ADIPOR2: variants seen among roughly 807,000 people sequenced by gnomAD.
The protein encoded by ADIPOR2 is adiponectin receptor protein 2.
A neutral mutation model predicts 40.9 loss-of-function variants in ADIPOR2; 18 were observed. The ratio of observed to expected loss-of-function variants is 0.44; its 90% confidence interval spans 0.30 to 0.65. The LOEUF is 0.65. Among genes scored for constraint, ADIPOR2 ranks in the 30% least tolerant of loss-of-function variants. The pLI is 0.09. For missense variants in ADIPOR2, 283 were observed against 479.2 expected, an observed-to-expected ratio of 0.59 and a Z score of 3.82; for synonymous variants, 165 against 166.4, an observed-to-expected ratio of 0.99 and a Z score of 0.06.
intron 1 of ADIPOR2, among the ~76,000 whole-genome samples, chr12:1,729,060 TC>T (rs2094714252): frequency 6.6e-6 from 1 of 151,454 alleles, no homozygotes; most frequent in Non-Finnish European, 1.5e-5. Context: ...AAATCTTTTT[TC>T]CCCCTCTACC....
At chr12:1,735,908 C>T (rs1420506397) in intron 1 of ADIPOR2, among the ~76,000 whole-genome samples, 4 of 152,050 alleles carry the variant, frequency 2.6e-5, no homozygotes, top group Non-Finnish European at 5.9e-5. Flanking sequence ...TATTGATTTG[C>T]GTATGTTGAA....
In ADIPOR2 at chr12:1,786,153, G is replaced by T; in HGVS notation, c.*81G>T. The T allele has an allele frequency of 6.5e-7, 1 of 1,534,740 alleles. No homozygotes were observed. The highest frequency in any genetic ancestry group is 8.8e-7 in the Non-Finnish European group (1 of 1,141,660). On this transcript the variant is annotated 3_prime_UTR_variant, in exon 8 of 8. Transcript: ENST00000357103. The stretch of plus-strand genomic sequence containing the variant: ...GCCTCCCTGCTGGCTACTGATGCCA[G>T]TACCAGAGGAGCCCCAAAACTTTGA...
In ADIPOR2 at chr12:1,781,472, T is replaced by G. The variant is rs549739693; in HGVS notation, c.838+396T>G. Among the ~76,000 whole-genome samples the G allele has an allele frequency of 4.6e-5, 7 of 152,332 alleles. No individual in the cohort carries two copies. The South Asian group carries it at 1.5e-3, about 32-fold the overall frequency. ...TTTTGTTGTCATTTTCTGTTTTGTTTTATATTTTTATTTTATAATGGATAA... is the reference window on the plus strand; with the variant it reads ...TTTTGTTGTCATTTTCTGTTTTGTTGTATATTTTTATTTTATAATGGATAA... On this transcript the variant is annotated intron_variant, in intron 6 of 7. Transcript: ENST00000357103.
rs572041125 is a variant in ADIPOR2 at position 1,781,030 on chromosome 12, C to T, written c.792C>T (p.Ser264=). The T allele has an allele frequency of 2.1e-5, 34 of 1,612,934 alleles. No homozygotes were observed. In the South Asian group the frequency reaches 3.3e-4, roughly 16 times the overall value. ...CVLGIAAIIV[S]QWDMFATPQY... is the part of the protein sequence containing the mutation. ...TGGGCATTGCAGCCATTATAGTCTC[C>T]CAGTGGGACATGTTTGCCACCCCTC... Residue 264 remains serine (S), a synonymous_variant, in exon 6 of 8, where the codon TCC becomes TCT. Transcript: ENST00000357103.
At chr12:1,712,495 A>G (rs1468190597) in intron 1 of ADIPOR2, among the ~76,000 whole-genome samples, 2 of 152,074 alleles carry the variant, frequency 1.3e-5, no homozygotes, top group Non-Finnish European at 2.9e-5. Context: ...GCCTTTTGCC[A>G]CTGGTTGTAG....
At chr12:1,709,465 C>T in intron 1 of ADIPOR2, among the ~76,000 whole-genome samples, 1 of 152,050 alleles carries the variant, frequency 6.6e-6, no homozygotes, top group East Asian at 1.9e-4. Flanking sequence ...AATAAGTAGT[C>T]AGATGGAATT....
At position 1,754,468 on chromosome 12, in the gene ADIPOR2, T is replaced by C. The variant is rs939722569; in HGVS notation, c.125T>C (p.Leu42Ser). The change falls in exon 2 of 8, where the codon TTG becomes TCG. Residue 42 changes from leucine (L) to serine (S), a missense_variant. By Grantham distance (145) the Leu-to-Ser change is moderately radical (BLOSUM62 -2). Coordinates refer to ENST00000357103, the MANE Select transcript of ADIPOR2 (RefSeq NM_024551.3). ...GATAATGACAGCCACCAAGGAGATTTGGAGCCCATTTTAGAGGCATCTGTT... is the reference window on the plus strand; with the variant it reads ...GATAATGACAGCCACCAAGGAGATTCGGAGCCCATTTTAGAGGCATCTGTT... Reference protein sequence around the residue: ...RGDNDSHQGDLEPILEASVLS... With the variant: ...RGDNDSHQGDSEPILEASVLS... 3 of 1,613,162 alleles carry C rather than the reference T, an allele frequency of 1.9e-6. No individual in the cohort carries two copies. The African/African-American group carries it at 4.0e-5, about 22-fold the overall frequency.
At chr12:1,755,575 A>G (rs1379197672) in intron 2 of ADIPOR2, among the ~76,000 whole-genome samples, 1 of 152,230 alleles carries the variant, frequency 6.6e-6, no homozygotes, top group Non-Finnish European at 1.5e-5. Flanking sequence ...GAGTCAGTAG[A>G]GTTCTGAAAG....
intron 1 of ADIPOR2, among the ~76,000 whole-genome samples, chr12:1,718,552 C>T (rs776884200): frequency 1.3e-5 from 2 of 152,082 alleles, no homozygotes; most frequent in African/African-American, 4.8e-5. Context: ...ATAGTTTACA[C>T]TCAGTGAAAT....
At position 1,715,889 on chromosome 12, in the gene ADIPOR2, A is replaced by G. The variant is rs545780575; in HGVS notation, c.-87+24698A>G. Among the ~76,000 whole-genome samples, 3 of 152,276 alleles carry G rather than the reference A, an allele frequency of 2.0e-5. No homozygotes were observed. In the South Asian group the frequency reaches 6.2e-4, roughly 32 times the overall value. ...AATGGACCAATCAGTGCCCTGTAAA[A>G]TGGACCAATCAGCAGGACATGGAGG... is the stretch of plus-strand genomic sequence containing the variant. On this transcript the variant is annotated intron_variant, in intron 1 of 7. Coordinates refer to ENST00000357103, the MANE Select transcript of ADIPOR2 (RefSeq NM_024551.3).
At chr12:1,767,446 A>T (rs1049891781) in intron 2 of ADIPOR2, among the ~76,000 whole-genome samples, 1 of 152,148 alleles carries the variant, frequency 6.6e-6, no homozygotes, top group African/African-American at 2.4e-5. Context: ...CTTTTGGAGA[A>T]TACTGGGTAT....
intron 1 of ADIPOR2, among the ~76,000 whole-genome samples, chr12:1,751,205 TCTA>T (rs1306377759): frequency 6.6e-6 from 1 of 152,188 alleles, no homozygotes; most frequent in African/African-American, 2.4e-5. Flanking sequence ...CTTCAACAGT[TCTA>T]CTGTTGAAAG....
In ADIPOR2 at chr12:1,713,124, C is replaced by T. The variant is rs12316653; in HGVS notation, c.-87+21933C>T. On this transcript the variant is annotated intron_variant, in intron 1 of 7. Transcript: ENST00000357103. ...TGAACCTTTGGGGCAAGACTGTCCA[C>T]GTAAGTTGGGACGTGTGATCTGTAG... 9.5e-3 allele frequency among the ~76,000 whole-genome samples: 1,443 copies of T among 152,172 alleles called. 40 individuals are homozygous for T. Among genetic ancestry groups the T allele is most frequent in the African/African-American group, 0.033 (1,376 of 41,448 alleles).
chr12:1,750,946 T>C (rs2094767891), intron 1 of ADIPOR2, among the ~76,000 whole-genome samples: 1 of 152,098 alleles, frequency 6.6e-6, no homozygotes, highest in Non-Finnish European at 1.5e-5. Flanking sequence ...TTTAATTATC[T>C]AAGACTTCCA....
chr12:1,783,204 A>G (rs1436241977), intron 6 of ADIPOR2, among the ~76,000 whole-genome samples: 3 of 150,404 alleles, frequency 2.0e-5, no homozygotes, highest in African/African-American at 7.3e-5. Flanking sequence ...CACCCCAACA[A>G]CGCCTGCTGC....
chr12:1,695,552 A>G lies in ADIPOR2; in HGVS notation c.-87+4361A>G, dbSNP rs144121203. ...GTGGCGCGCGCCTGTAATCCCAACT[A>G]CTCAGGAGGCTGAGGCAGGAGAATC... On this transcript the variant is annotated intron_variant, in intron 1 of 7. Transcript: ENST00000357103. Among the ~76,000 whole-genome samples, 568 of 151,332 alleles carry G rather than the reference A, an allele frequency of 3.8e-3. 5 individuals carry two copies. Among genetic ancestry groups the G allele is most frequent in the African/African-American group, 0.013 (540 of 41,252 alleles).
chr12:1,715,325 C>G (rs988935328), intron 1 of ADIPOR2, among the ~76,000 whole-genome samples: 2 of 152,024 alleles, frequency 1.3e-5, no homozygotes, highest in Admixed American at 6.6e-5. Context: ...TTTTGACCAT[C>G]AGAGAGAGAA....
chr12:1,758,176 TA>T, intron 2 of ADIPOR2, among the ~76,000 whole-genome samples: 1 of 152,366 alleles, frequency 6.6e-6, no homozygotes, highest in East Asian at 1.9e-4. Context: ...CTGTAAATAA[TA>T]TTTGTGTTTT....
At chr12:1,783,434 C>T (rs1458893444) in intron 6 of ADIPOR2, among the ~76,000 whole-genome samples, 1 of 147,694 alleles carries the variant, frequency 6.8e-6, no homozygotes, top group African/African-American at 2.5e-5. Flanking sequence ...AGTTTCACTC[C>T]TGTTGCCCAA....
Sources: gnomAD v4.1 joint callset for allele counts (sites outside exome capture counted in the v4.1 genomes callset) on GRCh38, gnomAD v4.1.1 for gene constraint, MANE v1.5 for transcripts, NCBI Gene and HGNC (gene_info 2026-07-23, HGNC 2026-07-21) for gene names.